The following HS3ST5 variants were observed in gnomAD, a reference collection of about 807,000 sequenced individuals.
The protein encoded by HS3ST5 is heparan sulfate-glucosamine 3-sulfotransferase 5.
HS3ST5 carries 10 observed loss-of-function variants against 25.4 expected under a neutral mutation model. The ratio of observed to expected loss-of-function variants is 0.39; its 90% CI spans 0.24 to 0.67. The LOEUF is 0.67. Among genes scored for constraint, HS3ST5 ranks in the 30% least tolerant of loss-of-function variants. HS3ST5 has a pLI of 0.44. For missense variants in HS3ST5, 324 were observed against 420.7 expected, an observed-to-expected ratio of 0.77 and a Z score of 2.01; for synonymous variants, 170 against 162.4, an observed-to-expected ratio of 1.05 and a Z score of -0.36.
chr6:114,135,621 G>C (rs1777558071), intron 3 of HS3ST5, among the ~76,000 whole-genome samples: 1 of 152,160 alleles, frequency 6.6e-6, no homozygotes. Flanking sequence ...CCAGGGCACG[G>C]TTTCAAGATT....
At chr6:114,145,084 C>A (rs1728645482) in intron 3 of HS3ST5, among the ~76,000 whole-genome samples, 1 of 152,156 alleles carries the variant, frequency 6.6e-6, no homozygotes, top group South Asian at 2.1e-4. Context: ...TGCTGCTGAC[C>A]TGACCCTTAC....
At chr6:114,237,497 G>A (rs1460280208) in intron 1 of HS3ST5, among the ~76,000 whole-genome samples, 1 of 152,072 alleles carries the variant, frequency 6.6e-6, no homozygotes, top group Non-Finnish European at 1.5e-5. Flanking sequence ...AAGTTTGGCT[G>A]CACTTTAGAC....
At chr6:114,083,880 T>C (rs185606239) in intron 3 of HS3ST5, among the ~76,000 whole-genome samples, 56 of 152,326 alleles carry the variant, frequency 3.7e-4, no homozygotes, top group Middle Eastern at 3.4e-3. Context: ...ATGTTTTCTA[T>C]ATTTTCATCT....
At chr6:114,157,241 G>C (rs1778742011) in intron 3 of HS3ST5, among the ~76,000 whole-genome samples, 1 of 152,050 alleles carries the variant, frequency 6.6e-6, no homozygotes, top group African/African-American at 2.4e-5. Context: ...CCTGAATTCA[G>C]ACCAGTGTAA....
intron 1 of HS3ST5, among the ~76,000 whole-genome samples, chr6:114,323,519 A>C (rs1374753689): frequency 1.3e-5 from 2 of 152,126 alleles, no homozygotes; most frequent in African/African-American, 4.8e-5. Context: ...TAAGGAGTTC[A>C]AGTCCTATCT....
chr6:114,165,759 T>C (rs1779179301), intron 3 of HS3ST5, among the ~76,000 whole-genome samples: 1 of 152,190 alleles, frequency 6.6e-6, no homozygotes, highest in Admixed American at 6.6e-5. Context: ...AAATTCTTTC[T>C]CACCAGCTCT....
chr6:114,156,630 G>T (rs1778710575), intron 3 of HS3ST5, among the ~76,000 whole-genome samples: 1 of 152,158 alleles, frequency 6.6e-6, no homozygotes, highest in South Asian at 2.1e-4. Context: ...AGTTGCCACA[G>T]ATCTCCTTTT....
intron 2 of HS3ST5, among the ~76,000 whole-genome samples, chr6:114,212,207 G>A (rs1781537678): frequency 6.6e-6 from 1 of 152,214 alleles, no homozygotes; most frequent in Non-Finnish European, 1.5e-5. Context: ...CTCCTCTCTA[G>A]GATACACAGA....
At chr6:114,217,705 G>A (rs762426593) in intron 2 of HS3ST5, among the ~76,000 whole-genome samples, 2 of 152,184 alleles carry the variant, frequency 1.3e-5, no homozygotes, top group Non-Finnish European at 2.9e-5. Context: ...TGAGGAAATT[G>A]AGACTTAGCA....
intron 3 of HS3ST5, among the ~76,000 whole-genome samples, chr6:114,141,442 G>T (rs1331685195): frequency 6.6e-6 from 1 of 152,116 alleles, no homozygotes; most frequent in Non-Finnish European, 1.5e-5. Context: ...AAGCATACGA[G>T]GGGTAAGAAA....
At chr6:114,164,398 G>A (rs1779110752) in intron 3 of HS3ST5, among the ~76,000 whole-genome samples, 1 of 152,092 alleles carries the variant, frequency 6.6e-6, no homozygotes, top group Non-Finnish European at 1.5e-5. Context: ...CAAATACTAA[G>A]GAGGCTATGA....
At chr6:114,113,533 C>T (rs999767339) in intron 3 of HS3ST5, among the ~76,000 whole-genome samples, 5 of 151,806 alleles carry the variant, frequency 3.3e-5, no homozygotes, top group African/African-American at 1.2e-4. Flanking sequence ...TGGATGGCTG[C>T]CTTCTTTCCA....
At chr6:114,111,912 C>T (rs111285877) in intron 3 of HS3ST5, among the ~76,000 whole-genome samples, 1 of 152,072 alleles carries the variant, frequency 6.6e-6, no homozygotes, top group African/African-American at 2.4e-5. Context: ...TCCAGTACTC[C>T]ACTCCAGAAA....
At chr6:114,090,690 C>T (rs149439094) in intron 3 of HS3ST5, among the ~76,000 whole-genome samples, 35 of 152,190 alleles carry the variant, frequency 2.3e-4, no homozygotes, top group African/African-American at 6.0e-4. Flanking sequence ...AAAATGCCAA[C>T]GAAATAAAGT....
intron 2 of HS3ST5, among the ~76,000 whole-genome samples, chr6:114,172,503 T>C (rs1562225193): frequency 6.6e-6 from 1 of 152,364 alleles, no homozygotes; most frequent in East Asian, 1.9e-4. Flanking sequence ...AAAGCAATTA[T>C]AGCAGAGAAG....
chr6:114,278,287 A>C lies in HS3ST5; in HGVS notation c.-338-49509T>G, dbSNP rs546015962. On this transcript the variant is annotated intron_variant, in intron 1 of 4. Coordinates refer to ENST00000312719, the MANE Select transcript of HS3ST5 (RefSeq NM_153612.4). ...TCAATTCTTCTACTTCTTGAATTTG[A>C]ATGTAGGCAATTTAAAGCATTATTC... 8.5e-4 allele frequency among the ~76,000 whole-genome samples: 129 copies of C among 152,120 alleles called. 1 individual carries two copies. The highest frequency in any genetic ancestry group is 3.0e-3 in the African/African-American group (123 of 41,538).
chr6:114,081,867 A>G (rs74807466), intron 3 of HS3ST5, among the ~76,000 whole-genome samples: 1,527 of 152,340 alleles, frequency 0.01, 26 homozygotes, highest in African/African-American at 0.035. Context: ...TTATTGAGAT[A>G]TAATTCACAT....
At chr6:114,065,637 A>G (rs1240610100) in intron 3 of HS3ST5, among the ~76,000 whole-genome samples, 7 of 152,218 alleles carry the variant, frequency 4.6e-5, no homozygotes, top group Admixed American at 3.3e-4. Context: ...TTGCCAGACT[A>G]ATGCAAAGGA....
At chr6:114,256,497 A>T (rs1390432978) in intron 1 of HS3ST5, among the ~76,000 whole-genome samples, 1 of 152,096 alleles carries the variant, frequency 6.6e-6, no homozygotes, top group African/African-American at 2.4e-5. Context: ...AGATACCCTA[A>T]ATCATCTCCT....
Sources: allele counts gnomAD v4.1 joint callset (sites outside exome capture counted in the v4.1 genomes callset), GRCh38; gene constraint gnomAD v4.1.1; transcripts MANE v1.5; gene names NCBI Gene and HGNC (gene_info 2026-07-23, HGNC 2026-07-21).